The following GPR137B variants were observed in gnomAD, a reference collection of about 807,000 sequenced individuals.
GPR137B encodes integral membrane protein GPR137B.
In GPR137B, 42 loss-of-function variants were observed where a neutral mutation model predicts 42.5. The ratio of observed to expected loss-of-function variants is 0.99; its 90% CI spans 0.77 to 1.28. The LOEUF (loss-of-function observed/expected upper bound fraction) is 1.28. Ranked by LOEUF, GPR137B falls within the 50% of genes most tolerant of loss-of-function variation. The pLI is 0.00. For missense variants in GPR137B, 487 were observed against 493.9 expected, an observed-to-expected ratio of 0.99 and a Z score of 0.13; for synonymous variants, 218 against 209.7, an observed-to-expected ratio of 1.04 and a Z score of -0.34.
intron 1 of GPR137B, among the ~76,000 whole-genome samples, chr1:236,158,251 CCT>C (rs1662089832): frequency 6.6e-6 from 1 of 152,170 alleles, no homozygotes; most frequent in African/African-American, 2.4e-5. Flanking sequence ...TGGTGAAACC[CCT>C]GTCTCTACTA....
chr1:236,200,472 T>C (rs1484248203), intron 5 of GPR137B, among the ~76,000 whole-genome samples: 1 of 151,954 alleles, frequency 6.6e-6, no homozygotes, highest in Non-Finnish European at 1.5e-5. Context: ...ACTATGGTGT[T>C]GCTATCTCAT....
chr1:236,186,853 G>A (rs1300149672), intron 5 of GPR137B, among the ~76,000 whole-genome samples: 1 of 152,098 alleles, frequency 6.6e-6, no homozygotes, highest in Non-Finnish European at 1.5e-5. Flanking sequence ...ATAATCCTTT[G>A]GGTATATACC....
intron 5 of GPR137B, among the ~76,000 whole-genome samples, chr1:236,189,561 A>G (rs1477655178): frequency 6.6e-6 from 1 of 152,120 alleles, no homozygotes; most frequent in Admixed American, 6.5e-5. Flanking sequence ...TTTCTGCCTT[A>G]ATTTTCTTAC....
chr1:236,157,876 T>C (rs540175621), intron 1 of GPR137B, among the ~76,000 whole-genome samples: 1 of 152,304 alleles, frequency 6.6e-6, no homozygotes, highest in South Asian at 2.1e-4. Flanking sequence ...TGTATCAACA[T>C]AGATACCTTC....
chr1:236,166,103 T>A (rs925217281), intron 1 of GPR137B, among the ~76,000 whole-genome samples: 13 of 152,256 alleles, frequency 8.5e-5, no homozygotes, highest in South Asian at 4.1e-4. Flanking sequence ...AAACATTTTT[T>A]AAAAAATTCT....
At chr1:236,182,751 A>AAAAAT (rs1662919968) in intron 4 of GPR137B, among the ~76,000 whole-genome samples, 1 of 151,974 alleles carries the variant, frequency 6.6e-6, no homozygotes, top group Non-Finnish European at 1.5e-5. Flanking sequence ...ACAAACAAAA[A>AAAAAT]ATATATATAT....
At chr1:236,167,301 C>T (rs1327042559) in intron 1 of GPR137B, among the ~76,000 whole-genome samples, 2 of 152,194 alleles carry the variant, frequency 1.3e-5, no homozygotes, top group East Asian at 1.9e-4. Context: ...TAGCAAATTT[C>T]GAGTAAACAA....
intron 1 of GPR137B, among the ~76,000 whole-genome samples, chr1:236,152,690 G>T (rs778306559): frequency 6.6e-6 from 1 of 152,004 alleles, no homozygotes; most frequent in Admixed American, 6.6e-5. Flanking sequence ...GGAGGCAGAG[G>T]TTGCAGTGAG....
chr1:236,175,687 C>T (rs1431687398), intron 2 of GPR137B, among the ~76,000 whole-genome samples: 1 of 152,070 alleles, frequency 6.6e-6, no homozygotes, highest in Non-Finnish European at 1.5e-5. Flanking sequence ...ACTGAGAGAA[C>T]ATGGGGCAGA....
intron 1 of GPR137B, among the ~76,000 whole-genome samples, chr1:236,162,880 C>T (rs754552888): frequency 9.9e-5 from 15 of 152,176 alleles, no homozygotes; most frequent in African/African-American, 1.2e-4. Flanking sequence ...AATGTGGGGT[C>T]GGAGCCCCCA....
intron 1 of GPR137B, among the ~76,000 whole-genome samples, chr1:236,145,980 C>T (rs1483450294): frequency 6.6e-6 from 1 of 152,200 alleles, no homozygotes; most frequent in Non-Finnish European, 1.5e-5. Flanking sequence ...GCCTCAGCCT[C>T]CCGAGTATCT....
At chr1:236,194,831 TGATTATAGA>T (rs999507425) in intron 5 of GPR137B, among the ~76,000 whole-genome samples, 9 of 152,078 alleles carry the variant, frequency 5.9e-5, no homozygotes, top group Non-Finnish European at 1.3e-4. Flanking sequence ...CAGGATGAAA[TGATTATAGA>T]GGCAGGAGAT....
At chr1:236,176,845 CT>C (rs1305877667) in intron 2 of GPR137B, among the ~76,000 whole-genome samples, 1 of 152,154 alleles carries the variant, frequency 6.6e-6, no homozygotes, top group Non-Finnish European at 1.5e-5. Context: ...TTCCACGGGA[CT>C]TTCTGTCTAG....
chr1:236,200,939 T>C (rs927670583), intron 5 of GPR137B, among the ~76,000 whole-genome samples: 8 of 152,000 alleles, frequency 5.3e-5, no homozygotes, highest in African/African-American at 1.2e-4. Flanking sequence ...GTGAGATTTA[T>C]GCTTTAAGGA....
At position 236,208,428 on chromosome 1, in the gene GPR137B, T is replaced by G. The variant is rs1558499056; in HGVS notation, c.*270T>G. 1.0e-6 allele frequency: 1 copy of G among 984,930 alleles called. No homozygotes were observed. The highest frequency in any genetic ancestry group is 1.3e-6 in the Non-Finnish European group (1 of 775,160). 61.0% of individuals were successfully genotyped at this position (984,930 alleles called of 1,614,324 possible). A position where few individuals can be genotyped will look rare whatever the true frequency, so the allele number is the denominator to read the frequency against. On this transcript the variant is annotated 3_prime_UTR_variant, in exon 7 of 7. Transcript: ENST00000366592. ...TTATAAAGATGTATTTTGTATAACT[T>G]AAATAATAATGCTAAAGTATACTAG...
chr1:236,158,332 C>T (rs1296213134), intron 1 of GPR137B, among the ~76,000 whole-genome samples: 2 of 152,018 alleles, frequency 1.3e-5, no homozygotes, highest in African/African-American at 4.8e-5. Flanking sequence ...GGCTGAGGCA[C>T]GAGAATCGCT....
chr1:236,207,865 CGGT>C (rs932099958), intron 6 of GPR137B, among the ~76,000 whole-genome samples, 182 bp from the exon 7 acceptor site: 3 of 151,936 alleles, frequency 2.0e-5, no homozygotes, highest in Non-Finnish European at 4.4e-5. Flanking sequence ...GTAGAGTTGT[CGGT>C]GGGCATTTCA....
intron 1 of GPR137B, among the ~76,000 whole-genome samples, chr1:236,153,051 A>G (rs2102892738): frequency 6.6e-6 from 1 of 150,586 alleles, no homozygotes; most frequent in Middle Eastern, 3.4e-3. Context: ...GCAATACTCC[A>G]TCTCGGGGAA....
chr1:236,174,710 A>G (rs1662634416), intron 2 of GPR137B, among the ~76,000 whole-genome samples: 1 of 152,208 alleles, frequency 6.6e-6, no homozygotes, highest in Non-Finnish European at 1.5e-5. Context: ...GGCTGGGTGC[A>G]GTGGCATGCA....
Sources: allele counts gnomAD v4.1 joint callset (sites outside exome capture counted in the v4.1 genomes callset), GRCh38; gene constraint gnomAD v4.1.1; transcripts MANE v1.5; gene names NCBI Gene and HGNC (gene_info 2026-07-23, HGNC 2026-07-21).